Variants in BLOC1S6 observed in about 807,000 individuals in gnomAD.
BLOC1S6 encodes the protein biogenesis of lysosome-related organelles complex 1 subunit 6.
In BLOC1S6, 24 loss-of-function variants were observed where a neutral mutation model predicts 24.7. The observed-to-expected ratio is 0.97, with a 90% CI of 0.70 to 1.37. The LOEUF (loss-of-function observed/expected upper bound fraction) is 1.37. Ranked by LOEUF, BLOC1S6 falls within the 40% of genes most tolerant of loss-of-function variation. The pLI is 0.00. For synonymous variants in BLOC1S6, 76 were observed against 72.6 expected, an observed-to-expected ratio of 1.05 and a Z score of -0.23; for missense variants, 175 against 196.2, an observed-to-expected ratio of 0.89 and a Z score of 0.64.
chr15:45,597,764 C>T (rs1313080002), intron 2 of BLOC1S6: 4 of 198,112 alleles, frequency 2.0e-5, no homozygotes, highest in African/African-American at 7.1e-5. Flanking sequence ...CAGGAGGTTT[C>T]TTGTTGAATC....
At position 45,592,131 on chromosome 15, in the gene BLOC1S6, AC is replaced by A; in HGVS notation, c.83-3del. On this transcript the variant is annotated splice_polypyrimidine_tract_variant and splice_region_variant and intron_variant, in intron 1 of 4. Coordinates refer to ENST00000220531, the MANE Select transcript of BLOC1S6 (RefSeq NM_012388.4). ...TTCCTAAATTTGATTTTTGCTGGGG[AC>A]AGGTTTAAGTGACACTTCTCCAGAT... 1 of 1,614,018 alleles carries A rather than the reference AC, an allele frequency of 6.2e-7. No homozygotes were observed. Among genetic ancestry groups the A allele is most frequent in the Non-Finnish European group, 8.5e-7 (1 of 1,179,994 alleles).
chr15:45,601,089 A>G (rs1196325254), intron 2 of BLOC1S6: 2 of 152,604 alleles, frequency 1.3e-5, no homozygotes, highest in East Asian at 3.8e-4. Context: ...ATAAAGTTTA[A>G]TTTATAAGTT....
intron 2 of BLOC1S6, among the ~76,000 whole-genome samples, chr15:45,593,885 T>C (rs995406720): frequency 6.6e-6 from 1 of 152,168 alleles, no homozygotes; most frequent in Non-Finnish European, 1.5e-5. Context: ...AAACTGAGGC[T>C]CAGAGAGGTT....
intron 3 of BLOC1S6, 107 bp downstream of exon 3, chr15:45,603,294 C>G (rs1595559311): frequency 1.4e-6 from 1 of 704,768 alleles, no homozygotes; most frequent in East Asian, 2.9e-5. Context: ...GTCTTTTTAA[C>G]AAGAAACCTT....
chr15:45,593,200 C>G (rs1055403851), intron 2 of BLOC1S6, among the ~76,000 whole-genome samples: 1 of 151,284 alleles, frequency 6.6e-6, no homozygotes, highest in Non-Finnish European at 1.5e-5. Flanking sequence ...TTTAGACCAC[C>G]CTGGCGAAAC....
intron 1 of BLOC1S6, 181 bp downstream of exon 1, chr15:45,587,706 G>A (rs1262868023): frequency 4.2e-6 from 3 of 721,022 alleles, no homozygotes; most frequent in African/African-American, 3.5e-5. Context: ...CGCAATGGGC[G>A]GAACTGAAGT....
chr15:45,587,882 G>C (rs771478586), intron 1 of BLOC1S6: 12 of 651,992 alleles, frequency 1.8e-5, no homozygotes, highest in Non-Finnish European at 3.0e-5. Flanking sequence ...GAGAGGTGAC[G>C]TATCCTATAA....
chr15:45,599,976 A>G (rs1894211142), intron 2 of BLOC1S6, among the ~76,000 whole-genome samples: 1 of 150,948 alleles, frequency 6.6e-6, no homozygotes, highest in Non-Finnish European at 1.5e-5. Context: ...TATGGCACAT[A>G]TACACCATGG....
intron 2 of BLOC1S6, chr15:45,602,421 G>T (rs780062202): frequency 9.6e-6 from 6 of 627,056 alleles, no homozygotes; most frequent in Admixed American, 2.8e-5. Context: ...TCCTAACATT[G>T]ATTGATGTGT....
chr15:45,601,807 T>G (rs1293872801), intron 2 of BLOC1S6, among the ~76,000 whole-genome samples: 1 of 152,176 alleles, frequency 6.6e-6, no homozygotes, highest in Non-Finnish European at 1.5e-5. Context: ...TGCTGGGTTT[T>G]CCTCTCATCC....
chr15:45,592,082 TA>T (rs746354883), intron 1 of BLOC1S6, 52 bp from the exon 2 acceptor site: 26 of 1,596,388 alleles, frequency 1.6e-5, no homozygotes, highest in Admixed American at 3.4e-5. Flanking sequence ...TTGACCAGCC[TA>T]AAAAAATAAA....
chr15:45,592,074 G>T (rs775966578), intron 1 of BLOC1S6, 61 bp from the exon 2 acceptor site: 45 of 1,578,064 alleles, frequency 2.9e-5, no homozygotes, highest in Non-Finnish European at 3.4e-5. Flanking sequence ...TGCTTCAGTT[G>T]ACCAGCCTAA....
intron 1 of BLOC1S6, 55 bp from the exon 2 acceptor site, chr15:45,592,080 C>T: frequency 6.3e-7 from 1 of 1,591,264 alleles, no homozygotes; most frequent in Non-Finnish European, 8.6e-7. Context: ...AGTTGACCAG[C>T]CTAAAAAAAT....
chr15:45,608,608 A>G lies in BLOC1S6; in HGVS notation c.*2094A>G, dbSNP rs1894564293. On this transcript the variant is annotated 3_prime_UTR_variant, in exon 5 of 5. Transcript: ENST00000220531. ...CAGTGCACCTGAAAAGTTGAGAACCACAGGCTTAGTGGTACGTTGGGGTTT... is the reference window on the plus strand; with the variant it reads ...CAGTGCACCTGAAAAGTTGAGAACCGCAGGCTTAGTGGTACGTTGGGGTTT... The G allele has an allele frequency of 6.6e-6, 1 of 152,246 alleles. No homozygotes were observed. The highest frequency in any genetic ancestry group is 6.5e-5 in the Admixed American group (1 of 15,284). The allele number at this position is 152,246 out of a possible 1,614,324, so 9.4% of individuals were successfully genotyped here.
chr15:45,591,464 G>T (rs1566899113), intron 1 of BLOC1S6, among the ~76,000 whole-genome samples: 2 of 151,764 alleles, frequency 1.3e-5, no homozygotes, highest in African/African-American at 4.8e-5. Context: ...ACAGGGTCTC[G>T]CTCCGCTGCC....
chr15:45,588,661 C>T lies in BLOC1S6; in HGVS notation c.82+1136C>T, dbSNP rs371846515. 1.2e-4 allele frequency among the ~76,000 whole-genome samples: 19 copies of T among 152,336 alleles called. No individual in the cohort carries two copies. In the South Asian group the frequency reaches 3.9e-3, roughly 32 times the overall value. On this transcript the variant is annotated intron_variant, in intron 1 of 4. Transcript: ENST00000220531. ...TCCCAAGATAAAGCTTCAGTCATGT[C>T]ATTCCTGAACTCAGAAACCTTAAAT... is the stretch of plus-strand genomic sequence containing the variant.
chr15:45,594,507 G>A (rs987490750), intron 2 of BLOC1S6, among the ~76,000 whole-genome samples: 4 of 152,096 alleles, frequency 2.6e-5, no homozygotes, highest in Admixed American at 6.6e-5. Flanking sequence ...AACATTGTCA[G>A]CATATTTACT....
At chr15:45,592,428 G>A (rs1464909284) in intron 2 of BLOC1S6, 152 bp downstream of exon 2, 1 of 974,666 alleles carries the variant, frequency 1.0e-6, no homozygotes, top group Admixed American at 2.1e-5. Flanking sequence ...TGGGAATAGA[G>A]GAGTACATAG....
chr15:45,603,945 T>G (rs2140917253), intron 3 of BLOC1S6, among the ~76,000 whole-genome samples: 1 of 152,316 alleles, frequency 6.6e-6, no homozygotes, highest in Admixed American at 6.5e-5. Flanking sequence ...AGTTGAACAG[T>G]TGAATTTCAT....
Sources: gnomAD v4.1 joint callset for allele counts (sites outside exome capture counted in the v4.1 genomes callset) on GRCh38, gnomAD v4.1.1 for gene constraint, MANE v1.5 for transcripts, NCBI Gene and HGNC (gene_info 2026-07-23, HGNC 2026-07-21) for gene names.